The following CNTNAP2 variants were observed in gnomAD, a reference collection of about 807,000 sequenced individuals.
CNTNAP2 encodes the protein contactin associated protein 2.
A neutral mutation model predicts 155.2 loss-of-function variants in CNTNAP2; 98 were observed. The ratio of observed to expected loss-of-function variants is 0.63; its 90% CI spans 0.54 to 0.75. The LOEUF (loss-of-function observed/expected upper bound fraction) is 0.75, where lower values mean the gene tolerates loss of function less well. Among genes scored for constraint, CNTNAP2 ranks in the 30% least tolerant of loss-of-function variants. The pLI, the probability that CNTNAP2 is intolerant of heterozygous loss-of-function variation, is 0.00. For synonymous variants in CNTNAP2, 651 were observed against 631.2 expected (o/e 1.03, Z -0.47); for missense variants, 1,727 against 1,688.1 (o/e 1.02, Z -0.40).
chr7:147,636,944 G>A (rs960264264), intron 12 of CNTNAP2, among the ~76,000 whole-genome samples: 6 of 152,110 alleles, frequency 3.9e-5, no homozygotes, highest in Admixed American at 3.9e-4. Context: ...TGAGGGTGCC[G>A]AGGAAAGACA....
At chr7:147,454,175 A>G (rs950828346) in intron 10 of CNTNAP2, among the ~76,000 whole-genome samples, 2 of 152,176 alleles carry the variant, frequency 1.3e-5, no homozygotes, top group African/African-American at 4.8e-5. Context: ...TCTCTGTTTA[A>G]TCTTACTTTA....
intron 21 of CNTNAP2, among the ~76,000 whole-genome samples, chr7:148,301,975 C>T (rs1563032804): frequency 6.6e-6 from 1 of 152,218 alleles, no homozygotes; most frequent in Non-Finnish European, 1.5e-5. Context: ...GACACCAAGG[C>T]TAGCTCCTTT....
intron 1 of CNTNAP2, among the ~76,000 whole-genome samples, chr7:146,226,328 A>G (rs879682252): frequency 6.6e-6 from 1 of 152,178 alleles, no homozygotes; most frequent in Non-Finnish European, 1.5e-5. Context: ...TAGAGGGTAG[A>G]TGATGGCACT....
intron 1 of CNTNAP2, among the ~76,000 whole-genome samples, chr7:146,317,737 C>T (rs1383135214): frequency 4.6e-5 from 7 of 152,286 alleles, no homozygotes; most frequent in South Asian, 2.1e-4. Context: ...AGAAAGAATA[C>T]GCAGAAGTTC....
At chr7:146,986,851 G>A (rs972347501) in intron 3 of CNTNAP2, among the ~76,000 whole-genome samples, 22 of 151,942 alleles carry the variant, frequency 1.4e-4, no homozygotes, top group African/African-American at 5.1e-4. Context: ...TCTTTGATAG[G>A]ATTGTTCGTT....
chr7:148,112,525 A>T (rs1257056283), intron 15 of CNTNAP2, among the ~76,000 whole-genome samples: 1 of 151,978 alleles, frequency 6.6e-6, no homozygotes, highest in Admixed American at 6.6e-5. Context: ...AGCACAAGGG[A>T]TCCTCCTGCT....
chr7:146,763,106 G>C (rs1036123191), intron 1 of CNTNAP2, among the ~76,000 whole-genome samples: 41 of 152,248 alleles, frequency 2.7e-4, no homozygotes, highest in African/African-American at 9.4e-4. Flanking sequence ...CAGCAAAGTT[G>C]GCTTCCATCC....
intron 11 of CNTNAP2, among the ~76,000 whole-genome samples, chr7:147,529,186 T>C (rs1799385543): frequency 6.6e-6 from 1 of 152,228 alleles, no homozygotes; most frequent in Non-Finnish European, 1.5e-5. Flanking sequence ...ACAATTTGGA[T>C]TGTTTTTATA....
chr7:147,224,794 A>C (rs1386606075), intron 8 of CNTNAP2, among the ~76,000 whole-genome samples: 2 of 152,290 alleles, frequency 1.3e-5, no homozygotes, highest in Non-Finnish European at 2.9e-5. Context: ...ACACATATAC[A>C]CACACATAAA....
rs34866879 is a variant in CNTNAP2 at position 146,587,033 on chromosome 7, A to AT, written c.98-187225dup. Reference sequence around the variant, plus strand: ...TACCACCAAACATGAGCATTGTTTTATTTTTTTTTTTTTAACAAACTCATT... The same window carrying AT: ...TACCACCAAACATGAGCATTGTTTTATTTTTTTTTTTTTTAACAAACTCATT... On this transcript the variant is annotated intron_variant, in intron 1 of 23. Transcript: ENST00000361727. 3.1e-3 allele frequency among the ~76,000 whole-genome samples: 467 copies of AT among 148,516 alleles called. 1 individual carries two copies. Among genetic ancestry groups the AT allele is most frequent in the Non-Finnish European group, 4.7e-3 (315 of 66,784 alleles).
intron 16 of CNTNAP2, among the ~76,000 whole-genome samples, chr7:148,145,101 A>G (rs1404700178): frequency 6.6e-6 from 1 of 152,120 alleles, no homozygotes; most frequent in Admixed American, 6.5e-5. Flanking sequence ...CTTCCTGAGG[A>G]AGCAACGGAA....
At chr7:148,337,168 G>T (rs1449242903) in intron 21 of CNTNAP2, among the ~76,000 whole-genome samples, 2 of 151,822 alleles carry the variant, frequency 1.3e-5, no homozygotes, top group African/African-American at 4.8e-5. Flanking sequence ...CCTCCCTAAC[G>T]GTGCAGCAGA....
At chr7:147,174,486 C>A (rs954572378) in intron 8 of CNTNAP2, among the ~76,000 whole-genome samples, 18 of 152,092 alleles carry the variant, frequency 1.2e-4, no homozygotes, top group African/African-American at 4.1e-4. Context: ...CCAGACAACA[C>A]CCAACAGATA....
chr7:147,289,619 C>G (rs1805257616), intron 8 of CNTNAP2, among the ~76,000 whole-genome samples: 1 of 152,130 alleles, frequency 6.6e-6, no homozygotes. Flanking sequence ...AGAAATTAAT[C>G]ATTGGCAGAA....
At chr7:146,517,765 C>A (rs1797562303) in intron 1 of CNTNAP2, among the ~76,000 whole-genome samples, 1 of 151,826 alleles carries the variant, frequency 6.6e-6, no homozygotes, top group Non-Finnish European at 1.5e-5. Flanking sequence ...ATTGATAGCA[C>A]AAAACAACAG....
At position 146,663,408 on chromosome 7, in the gene CNTNAP2, C is replaced by T. The variant is rs375829436; in HGVS notation, c.98-110863C>T. On this transcript the variant is annotated intron_variant, in intron 1 of 23. Coordinates refer to ENST00000361727, the MANE Select transcript of CNTNAP2 (RefSeq NM_014141.6). ...ATTCCATTCTAGATCCCTTGCTTTT[C>T]CATATAACCTTTAGAATAGCTGGAT... 4.1e-4 allele frequency among the ~76,000 whole-genome samples: 61 copies of T among 149,834 alleles called. 2 individuals are homozygous for T. The highest frequency in any genetic ancestry group is 1.5e-3 in the African/African-American group (61 of 40,516).
At chr7:146,141,407 T>G (rs1797880384) in intron 1 of CNTNAP2, among the ~76,000 whole-genome samples, 1 of 152,032 alleles carries the variant, frequency 6.6e-6, no homozygotes, top group Admixed American at 6.6e-5. Flanking sequence ...TTTATGGATT[T>G]ACTTCAGGCT....
intron 15 of CNTNAP2, among the ~76,000 whole-genome samples, chr7:148,058,651 G>A (rs1803069397): frequency 6.6e-6 from 1 of 152,158 alleles, no homozygotes; most frequent in African/African-American, 2.4e-5. Flanking sequence ...TCGCTTGACT[G>A]AGGGGACTAG....
intron 3 of CNTNAP2, among the ~76,000 whole-genome samples, chr7:146,843,113 C>T (rs1458817222): frequency 4.8e-5 from 6 of 126,172 alleles, no homozygotes; most frequent in South Asian, 2.8e-4. Context: ...CCCAGGTTCA[C>T]GCCATTCTCC....
Sources: gnomAD v4.1 joint callset for allele counts (sites outside exome capture counted in the v4.1 genomes callset) on GRCh38, gnomAD v4.1.1 for gene constraint, MANE v1.5 for transcripts, NCBI Gene and HGNC (gene_info 2026-07-23, HGNC 2026-07-21) for gene names.